CTNNA3: variants seen among roughly 807,000 people sequenced by gnomAD.
CTNNA3 encodes the protein catenin alpha 3, also known as catenin alpha-3.
In CTNNA3, 76 loss-of-function variants were observed where a neutral mutation model predicts 95.7. That is an observed-to-expected ratio of 0.79 (90% CI 0.66 to 0.96). The LOEUF is 0.96. CTNNA3 is among the 40% of genes least tolerant of loss of function. The pLI is 0.00. For missense variants in CTNNA3, 1,191 were observed against 1,089.8 expected, an observed-to-expected ratio of 1.09 and a Z score of -1.31; for synonymous variants, 431 against 374.4, an observed-to-expected ratio of 1.15 and a Z score of -1.74.
intron 5 of CTNNA3, among the ~76,000 whole-genome samples, chr10:67,239,396 G>A (rs1366343272): frequency 6.6e-6 from 1 of 150,866 alleles, no homozygotes; most frequent in African/African-American, 2.4e-5. Flanking sequence ...ACATAAAAGA[G>A]TATGTATGGT....
At chr10:66,932,736 T>C (rs952494568) in intron 7 of CTNNA3, among the ~76,000 whole-genome samples, 4 of 152,328 alleles carry the variant, frequency 2.6e-5, no homozygotes, top group East Asian at 1.9e-4. Flanking sequence ...AAGTCACTGC[T>C]TTCCTAATCA....
Position 66,309,835 on chromosome 10 carries a change from G to A in CTNNA3, c.1733-29214C>T, listed in dbSNP as rs1005587403. ...AACACTTTGGGAGGCCAAGGTGGGC[G>A]GATCAGGAAGTCAGGAGTTCGAGAC... On this transcript the variant is annotated intron_variant, in intron 12 of 17. Coordinates refer to ENST00000433211, the MANE Select transcript of CTNNA3 (RefSeq NM_013266.4). Among the ~76,000 whole-genome samples the A allele has an allele frequency of 7.3e-5, 11 of 150,592 alleles. No homozygotes were observed. In the East Asian group the frequency reaches 1.6e-3, roughly 21 times the overall value.
chr10:66,018,977 G>C (rs949335095), intron 15 of CTNNA3, among the ~76,000 whole-genome samples: 1 of 152,058 alleles, frequency 6.6e-6, no homozygotes, highest in South Asian at 2.1e-4. Flanking sequence ...ACCAGTTAGA[G>C]AGACAGTTAC....
At chr10:66,030,607 A>G (rs1249089479) in intron 15 of CTNNA3, among the ~76,000 whole-genome samples, 1 of 152,198 alleles carries the variant, frequency 6.6e-6, no homozygotes, top group Non-Finnish European at 1.5e-5. Context: ...TGAAAATCCT[A>G]GAAGAAACCT....
intron 13 of CTNNA3, among the ~76,000 whole-genome samples, chr10:66,207,813 T>C (rs1343027932): frequency 6.6e-6 from 1 of 152,078 alleles, no homozygotes; most frequent in Admixed American, 6.6e-5. Flanking sequence ...TGTGCTAATT[T>C]GAATTGAAAT....
At chr10:67,367,376 A>G (rs775035433) in intron 5 of CTNNA3, among the ~76,000 whole-genome samples, 17 of 152,092 alleles carry the variant, frequency 1.1e-4, no homozygotes, top group Non-Finnish European at 2.4e-4. Flanking sequence ...CCCATCTTAC[A>G]CAAGTCAGAA....
intron 13 of CTNNA3, among the ~76,000 whole-genome samples, chr10:66,167,789 A>T (rs1488596506): frequency 6.6e-6 from 1 of 152,138 alleles, no homozygotes; most frequent in Non-Finnish European, 1.5e-5. Flanking sequence ...TTGGGTACAA[A>T]CTTCCTAGAC....
intron 11 of CTNNA3, among the ~76,000 whole-genome samples, chr10:66,414,009 C>T (rs896882675): frequency 6.6e-6 from 1 of 152,148 alleles, no homozygotes; most frequent in African/African-American, 2.4e-5. Flanking sequence ...CAGTCCAGTC[C>T]TTCCTTCCTT....
At chr10:66,378,224 C>G (rs1254207491) in intron 12 of CTNNA3, among the ~76,000 whole-genome samples, 1 of 152,126 alleles carries the variant, frequency 6.6e-6, no homozygotes, top group Non-Finnish European at 1.5e-5. Flanking sequence ...AATGACTCAT[C>G]TTTGTCCCTT....
intron 4 of CTNNA3, among the ~76,000 whole-genome samples, chr10:67,523,061 T>C (rs1245212565): frequency 6.6e-6 from 1 of 152,130 alleles, no homozygotes; most frequent in Non-Finnish European, 1.5e-5. Flanking sequence ...TCAAACTCTA[T>C]GAAATAAGTC....
At chr10:67,720,119 G>T (rs58635173) in intron 1 of CTNNA3, among the ~76,000 whole-genome samples, 11,814 of 31,326 alleles carry the variant, frequency 0.38, 835 homozygotes, top group Middle Eastern at 0.51. Context: ...GACTAGGATT[G>T]CAACCCCTGC....
At chr10:67,207,822 T>C (rs1863968388) in intron 6 of CTNNA3, among the ~76,000 whole-genome samples, 1 of 152,176 alleles carries the variant, frequency 6.6e-6, no homozygotes, top group African/African-American at 2.4e-5. Context: ...ACATTTAGTG[T>C]GCTTAAGGAT....
intron 3 of CTNNA3, among the ~76,000 whole-genome samples, chr10:67,588,011 C>T (rs1842686535): frequency 1.3e-5 from 2 of 152,006 alleles, no homozygotes. Context: ...CTTTTGAATA[C>T]ATTTTCTATT....
At chr10:66,098,524 T>A (rs2081491526) in intron 14 of CTNNA3, 1 of 152,208 alleles carries the variant, frequency 6.6e-6, no homozygotes, top group African/African-American at 2.4e-5. Flanking sequence ...CTGCTCTGTT[T>A]AAATAGAAAA....
chr10:67,345,285 A>C (rs1167395109), intron 5 of CTNNA3, among the ~76,000 whole-genome samples: 1 of 152,142 alleles, frequency 6.6e-6, no homozygotes, highest in African/African-American at 2.4e-5. Flanking sequence ...AGAATAATCC[A>C]CGTGCTGAAG....
rs190605421 is a variant in CTNNA3 at position 66,425,198 on chromosome 10, A to T, written c.1532-45846T>A. 1.0e-3 allele frequency among the ~76,000 whole-genome samples: 154 copies of T among 152,098 alleles called. 1 individual carries two copies. Among genetic ancestry groups the T allele is most frequent in the African/African-American group, 3.4e-3 (140 of 41,554 alleles). On this transcript the variant is annotated intron_variant, in intron 11 of 17. Transcript: ENST00000433211. ...ACAAGTTTTAGTATTTGCATAGTAT[A>T]TCTATATTTAATTTTTCTGTCTTTT...
At chr10:67,726,961 A>C (rs1589582570) in intron 1 of CTNNA3, among the ~76,000 whole-genome samples, 1 of 112,276 alleles carries the variant, frequency 8.9e-6, no homozygotes, top group East Asian at 2.6e-4. Flanking sequence ...ATATTATATA[A>C]TTATATATAT....
chr10:67,063,214 T>C (rs1855863972), intron 7 of CTNNA3, among the ~76,000 whole-genome samples: 1 of 152,120 alleles, frequency 6.6e-6, no homozygotes, highest in African/African-American at 2.4e-5. Context: ...CTTAAAGCAA[T>C]GCCTAGTAAG....
chr10:66,292,366 C>T (rs2091697261), intron 12 of CTNNA3, among the ~76,000 whole-genome samples: 2 of 152,150 alleles, frequency 1.3e-5, no homozygotes, highest in Admixed American at 6.5e-5. Flanking sequence ...ATAACTCACC[C>T]AGTTTTACAA....
Sources: allele counts gnomAD v4.1 joint callset (sites outside exome capture counted in the v4.1 genomes callset), GRCh38; gene constraint gnomAD v4.1.1; transcripts MANE v1.5; gene names NCBI Gene and HGNC (gene_info 2026-07-23, HGNC 2026-07-21).